The following SPEN variants were observed in gnomAD, a reference collection of about 807,000 sequenced individuals.
SPEN encodes msx2-interacting protein.
Under a neutral mutation model 269.9 loss-of-function variants are expected in SPEN, and 18 were observed. That is an observed-to-expected ratio of 0.07 (90% confidence interval 0.05 to 0.10). The LOEUF is 0.10. SPEN is among the 10% of genes least tolerant of loss of function. The pLI is 1.00. For synonymous variants in SPEN, 1,726 were observed against 1,765.7 expected (o/e 0.98, Z 0.56); for missense variants, 3,822 against 4,631.2 (o/e 0.83, Z 5.07).
At chr1:15,852,664 A>G (rs1557731588) in intron 1 of SPEN, among the ~76,000 whole-genome samples, 1 of 152,090 alleles carries the variant, frequency 6.6e-6, no homozygotes, top group Admixed American at 6.6e-5. Flanking sequence ...TGTGTGGTAT[A>G]CTTATGAAGA....
chr1:15,931,051 C>T lies in SPEN; in HGVS notation c.4811C>T (p.Pro1604Leu), dbSNP rs1324863448. The T allele has an allele frequency of 1.2e-6, 2 of 1,613,554 alleles. No individual in the cohort carries two copies. The highest frequency in any genetic ancestry group is 1.3e-5 in the African/African-American group (1 of 74,884). The change falls in exon 11 of 15, where the codon CCC (proline) becomes CTC (leucine). Residue 1604 changes from proline (P) to leucine (L), a missense_variant. Pro to Leu is a moderately conservative substitution (Grantham distance 98). Around this residue, in one of 16 missense-constraint regions of SPEN, gnomAD observed 533 missense variants for 618.8 expected, o/e 0.86. Transcript: ENST00000375759. This position sits in a 1 kb window ranked among gnomAD's most constrained non-coding sequence, Gnocchi z 4.8. The stretch of plus-strand genomic sequence containing the variant: ...AAAGAAAAAGAAAAAGACCAGAAAC[C>T]CAAAGAGGTTGAGAAACAGGAAGAT... ...QQKEKEKDQK[P>L]KEVEKQEDTE...
Position 15,934,570 on chromosome 1 carries a change from C to G in SPEN, c.8330C>G (p.Ala2777Gly). Residue 2777 changes from alanine to glycine, a missense_variant, in exon 11 of 15, where the codon GCG becomes GGG. Transcript: ENST00000375759. This position sits in a 1 kb window ranked among gnomAD's most constrained non-coding sequence, Gnocchi z 9.2. ...IAPSTKCKQR[A>G]SANENSRFHP... ...CCGTCAACAAAGTGCAAACAGAGAG[C>G]GAGTGCTAATGAAAACAGTCGGTTC... 1.2e-6 allele frequency: 2 copies of G among 1,614,064 alleles called. No individual in the cohort carries two copies. Among genetic ancestry groups the G allele is most frequent in the South Asian group, 2.2e-5 (2 of 91,088 alleles).
In SPEN at chr1:15,937,340, C is replaced by G. The variant is rs752348745; in HGVS notation, c.10204C>G (p.Pro3402Ala). 15 of 1,613,848 alleles carry G rather than the reference C, an allele frequency of 9.3e-6. No homozygotes were observed. Among genetic ancestry groups the G allele is most frequent in the Non-Finnish European group, 1.3e-5 (15 of 1,180,008 alleles). The change falls in exon 12 of 15, where the codon CCT becomes GCT. Residue 3402 changes from proline (P) to alanine (A), a missense_variant. Around this residue, in one of 16 missense-constraint regions of SPEN, gnomAD observed 359 missense variants for 377.3 expected, o/e 0.95. Coordinates refer to ENST00000375759, the MANE Select transcript of SPEN (RefSeq NM_015001.3). This position sits in a 1 kb window ranked among gnomAD's most constrained non-coding sequence, Gnocchi z 5.7. ...AKGTQTGVEQ[P>A]RLPAGPANRP... ...GGGGACCCAGACGGGAGTAGAGCAG[C>G]CTCGCCTCCCAGCTGGACCTGCAAA...
intron 1 of SPEN, among the ~76,000 whole-genome samples, chr1:15,866,557 G>A (rs2070512380): frequency 6.6e-6 from 1 of 152,140 alleles, no homozygotes; most frequent in Non-Finnish European, 1.5e-5. Context: ...GTTTCACTAT[G>A]TTAGCCAGGA....
At chr1:15,886,375 G>A (rs919339127) in intron 3 of SPEN, among the ~76,000 whole-genome samples, 1 of 152,152 alleles carries the variant, frequency 6.6e-6, no homozygotes, top group Non-Finnish European at 1.5e-5. Context: ...TTTGTGACTC[G>A]AACCAGCCTA....
chr1:15,899,630 C>A (rs1388714420), intron 3 of SPEN, among the ~76,000 whole-genome samples: 1 of 149,790 alleles, frequency 6.7e-6, no homozygotes, highest in Non-Finnish European at 1.5e-5. Context: ...CCTCAGGCTC[C>A]CAAGTAGTGT....
chr1:15,935,111 C>T lies in SPEN; in HGVS notation c.8871C>T (p.Asn2957=), dbSNP rs921101866. 1 of 1,613,962 alleles carries T rather than the reference C, an allele frequency of 6.2e-7. No individual in the cohort carries two copies. The highest frequency in any genetic ancestry group is 8.5e-7 in the Non-Finnish European group (1 of 1,180,012). ...TCACCCCAAGCATTGTCACCACAAA[C>T]AAGAAGCTTGCTGACCCCGTCACCC... ...LVLTPSIVTT[N]KKLADPVTLK... The change falls in exon 11 of 15, where the codon AAC becomes AAT. Residue 2957 remains asparagine, a synonymous_variant. Coordinates refer to ENST00000375759, the MANE Select transcript of SPEN (RefSeq NM_015001.3). The surrounding 1 kb of genome is among the most constrained non-coding windows in gnomAD (Gnocchi z 7.7).
intron 13 of SPEN, 192 bp from the exon 14 acceptor site, chr1:15,938,523 AATT>A (rs916877536): frequency 7.5e-6 from 4 of 536,790 alleles, no homozygotes; most frequent in Admixed American, 3.8e-5. Flanking sequence ...AGTTTTTAAA[AATT>A]ATTATTTTTT....
At chr1:15,851,232 A>C (rs2070332329) in intron 1 of SPEN, among the ~76,000 whole-genome samples, 1 of 152,206 alleles carries the variant, frequency 6.6e-6, no homozygotes, top group Non-Finnish European at 1.5e-5. Flanking sequence ...GTGCCAAAGA[A>C]AGACCAAATC....
chr1:15,886,527 A>T (rs1042970599), intron 3 of SPEN, among the ~76,000 whole-genome samples: 1 of 152,140 alleles, frequency 6.6e-6, no homozygotes, highest in East Asian at 1.9e-4. Flanking sequence ...AGGCGGTGGG[A>T]GGGGCAGGAC....
chr1:15,849,419 G>T (rs914607381), intron 1 of SPEN, among the ~76,000 whole-genome samples: 1 of 152,260 alleles, frequency 6.6e-6, no homozygotes, highest in Non-Finnish European at 1.5e-5. Flanking sequence ...ATCATTGATT[G>T]TGTTGGTGGT....
At chr1:15,893,756 G>A (rs189875282) in intron 3 of SPEN, among the ~76,000 whole-genome samples, 23 of 152,030 alleles carry the variant, frequency 1.5e-4, no homozygotes, top group Non-Finnish European at 2.9e-4. Flanking sequence ...AAAAAAGCAA[G>A]CCAATTGCAG....
Position 15,935,965 on chromosome 1 carries a change from C to T in SPEN, c.9725C>T (p.Ala3242Val). ...EAAKTPDAKA[A>V]PTPTPAPVPV... Reference sequence around the variant, plus strand: ...GCCAAGACACCAGATGCCAAAGCTGCCCCCACCCCCACCCCTGCCCCCGTC... The same window carrying T: ...GCCAAGACACCAGATGCCAAAGCTGTCCCCACCCCCACCCCTGCCCCCGTC... The change falls in exon 11 of 15, where the codon GCC becomes GTC. Residue 3242 changes from alanine (A) to valine (V), a missense_variant. Transcript: ENST00000375759. The surrounding 1 kb of genome is among the most constrained non-coding windows in gnomAD (Gnocchi z 7.7). 2 of 1,544,462 alleles carry T rather than the reference C, an allele frequency of 1.3e-6. No homozygotes were observed. The highest frequency in any genetic ancestry group is 2.0e-5 in the Admixed American group (1 of 50,784).
chr1:15,938,106 T>A, intron 13 of SPEN, 100 bp downstream of exon 13: 1 of 1,080,972 alleles, frequency 9.3e-7, no homozygotes, highest in South Asian at 1.6e-5. Flanking sequence ...ATGGAAGCAT[T>A]AACTGTATTC....
Position 15,936,141 on chromosome 1 carries a change from G to C in SPEN, c.9901G>C (p.Glu3301Gln). ...GGTGCAGATTGTGCACTCCAGCGGG[G>C]AGCTGTTTCAAGAGTACCGGTACGG... ...HGVQIVHSSG[E>Q]LFQEYRYGDI... The change falls in exon 11 of 15, where the codon GAG becomes CAG. Residue 3301 changes from glutamate (E) to glutamine (Q), a missense_variant. Physicochemically the swap from Glu to Gln is conservative, Grantham distance 29 (BLOSUM62 2). Transcript: ENST00000375759. 6.2e-7 allele frequency: 1 copy of C among 1,611,456 alleles called. No homozygotes were observed. Among genetic ancestry groups the C allele is most frequent in the South Asian group, 1.1e-5 (1 of 90,972 alleles).
chr1:15,932,703 G>A lies in SPEN; in HGVS notation c.6463G>A (p.Ala2155Thr). ...DKEPEKEDVS[A>T]SGPSPEATQL... ...GGAACCAGAGAAAGAAGACGTGTCT[G>A]CCTCTGGGCCGTCCCCAGAAGCCAC... The change falls in exon 11 of 15, where the codon GCC becomes ACC. Residue 2155 changes from alanine to threonine, a missense_variant. Physicochemically the swap from Ala to Thr is moderately conservative, Grantham distance 58. Coordinates refer to ENST00000375759, the MANE Select transcript of SPEN (RefSeq NM_015001.3). The surrounding 1 kb of genome is among the most constrained non-coding windows in gnomAD (Gnocchi z 4.2). 6.2e-7 allele frequency: 1 copy of A among 1,614,224 alleles called. No homozygotes were observed. The highest frequency in any genetic ancestry group is 8.5e-7 in the Non-Finnish European group (1 of 1,180,050).
At position 15,848,409 on chromosome 1, in the gene SPEN, C is replaced by T. The variant is rs2070298089; in HGVS notation, c.83+259C>T. Reference sequence around the variant, plus strand: ...GCCGCGTCCGTGACGAGGGAGGTGACCGAGGCTCGGCCTCCACGCAGCCGG... The same window carrying T: ...GCCGCGTCCGTGACGAGGGAGGTGATCGAGGCTCGGCCTCCACGCAGCCGG... On this transcript the variant is annotated intron_variant, in intron 1 of 14. Coordinates refer to ENST00000375759, the MANE Select transcript of SPEN (RefSeq NM_015001.3). The surrounding 1 kb of genome is among the most constrained non-coding windows in gnomAD (Gnocchi z 5.1). Among the ~76,000 whole-genome samples, 3 of 151,472 alleles carry T rather than the reference C, an allele frequency of 2.0e-5. No individual in the cohort carries two copies. Among genetic ancestry groups the T allele is most frequent in the Admixed American group, 6.6e-5 (1 of 15,200 alleles).
rs760229111 is a variant in SPEN, at chr1:15,935,799, C to A, written c.9559C>A (p.His3187Asn). The A allele has an allele frequency of 1.2e-6, 2 of 1,613,878 alleles. No individual in the cohort carries two copies. Among genetic ancestry groups the A allele is most frequent in the Non-Finnish European group, 1.7e-6 (2 of 1,180,002 alleles). The stretch of plus-strand genomic sequence containing the variant: ...AGTCATGCAGTCTGAGTACCGACTG[C>A]ACCCCTATACTGTGCCACGGGATGT... ...VLVMQSEYRL[H>N]PYTVPRDVRI... The change falls in exon 11 of 15, where the codon CAC (histidine) becomes AAC (asparagine). Residue 3187 changes from histidine (H) to asparagine (N), a missense_variant. By Grantham distance (68) the His-to-Asn change is moderately conservative (BLOSUM62 1). Coordinates refer to ENST00000375759, the MANE Select transcript of SPEN (RefSeq NM_015001.3). The surrounding 1 kb of genome is among the most constrained non-coding windows in gnomAD (Gnocchi z 7.7).
At chr1:15,850,584 G>A (rs1204973139) in intron 1 of SPEN, among the ~76,000 whole-genome samples, 1 of 151,986 alleles carries the variant, frequency 6.6e-6, no homozygotes, top group East Asian at 1.9e-4. Flanking sequence ...CTGGTTTCTT[G>A]TTTATCTTTC....
Sources: allele counts gnomAD v4.1 joint callset (sites outside exome capture counted in the v4.1 genomes callset), GRCh38; gene constraint gnomAD v4.1.1; regional missense constraint gnomAD v4.1.1; non-coding constraint Gnocchi (gnomAD v3.1); transcripts MANE v1.5; gene names NCBI Gene and HGNC (gene_info 2026-07-23, HGNC 2026-07-21).